Variants in MYMK observed in about 807,000 individuals in gnomAD.
The protein encoded by MYMK is myomaker, myoblast fusion factor.
Under a neutral mutation model 22.4 loss-of-function variants are expected in MYMK, and 16 were observed. That is an observed-to-expected ratio of 0.72 (90% CI 0.48 to 1.09). The LOEUF (loss-of-function observed/expected upper bound fraction) is 1.09. Ranked by LOEUF, MYMK falls within the 50% of genes least tolerant of loss-of-function variation. The probability of loss-of-function intolerance (pLI) is 0.00; values close to 1 mark genes in which losing one functional copy is unlikely to be tolerated. For missense variants in MYMK, 250 were observed against 295.6 expected (o/e 0.85, Z 1.13); for synonymous variants, 125 against 127.0 (o/e 0.98, Z 0.11).
In MYMK at chr9:133,514,795, G is replaced by T. The variant is rs1425044796; in HGVS notation, c.517-10C>A. On this transcript the variant is annotated splice_polypyrimidine_tract_variant and intron_variant, in intron 4 of 4. Transcript: ENST00000339996. Reference sequence around the variant, plus strand: ...AAGTGTAGTCCCAGTCCTGCGGGGGGCAAGCGGTCAGTCTGGGGCCTCAGC... The same window carrying T: ...AAGTGTAGTCCCAGTCCTGCGGGGGTCAAGCGGTCAGTCTGGGGCCTCAGC... 3 of 1,612,134 alleles carry T rather than the reference G, an allele frequency of 1.9e-6. No individual in the cohort carries two copies. The highest frequency in any genetic ancestry group is 2.2e-5 in the East Asian group (1 of 44,872).
intron 3 of MYMK, among the ~76,000 whole-genome samples, chr9:133,517,497 C>T (rs1365606062): frequency 2.0e-5 from 3 of 152,240 alleles, no homozygotes; most frequent in South Asian, 2.1e-4. Flanking sequence ...GAAACCCCAT[C>T]GCTACTAAAA....
intron 3 of MYMK, among the ~76,000 whole-genome samples, chr9:133,517,823 G>T (rs567318492): frequency 6.6e-6 from 1 of 152,334 alleles, no homozygotes; most frequent in African/African-American, 2.4e-5. Context: ...GACGGGCTTT[G>T]CAAGCTGCCC....
At position 133,520,209 on chromosome 9, in the gene MYMK, TAG is replaced by T. The variant is rs755400530; in HGVS notation, c.213_214del (p.Tyr72ArgfsTer39). Reference sequence around the variant, plus strand: ...GACCCACATGCTCAGGGCTGTCCCGTAGACACTGAAATACTCCAGGATGTCGT... The same window carrying T: ...GACCCACATGCTCAGGGCTGTCCCGTACACTGAAATACTCCAGGATGTCGT... On this transcript the variant is annotated frameshift_variant, in exon 2 of 5. Transcript: ENST00000339996. LOFTEE classifies it high-confidence loss of function. 8.1e-6 allele frequency: 13 copies of T among 1,613,896 alleles called. No homozygotes were observed. The highest frequency in any genetic ancestry group is 1.1e-5 in the Non-Finnish European group (13 of 1,180,008).
chr9:133,524,253 G>A (rs1844735412), intron 1 of MYMK, among the ~76,000 whole-genome samples: 1 of 152,056 alleles, frequency 6.6e-6, no homozygotes, highest in Non-Finnish European at 1.5e-5. Context: ...ACTCACCCAG[G>A]CCTTCACACT....
intron 1 of MYMK, among the ~76,000 whole-genome samples, chr9:133,522,336 T>G (rs1344639333): frequency 1.1e-4 from 10 of 94,578 alleles, no homozygotes; most frequent in South Asian, 4.4e-4. Context: ...CTCAGGTGAG[T>G]GGCTGTCGGG....
intron 3 of MYMK, among the ~76,000 whole-genome samples, chr9:133,516,679 T>G (rs969103329): frequency 1.3e-5 from 2 of 152,194 alleles, no homozygotes; most frequent in Non-Finnish European, 2.9e-5. Context: ...TGCAGTGGCC[T>G]GAAGACAGCT....
chr9:133,520,264 C>G lies in MYMK; in HGVS notation c.160G>C (p.Gly54Arg). The G allele has an allele frequency of 1.2e-6, 2 of 1,614,148 alleles. No homozygotes were observed. The highest frequency in any genetic ancestry group is 1.7e-6 in the Non-Finnish European group (2 of 1,180,034). Residue 54 changes from glycine to arginine, a missense_variant, in exon 2 of 5, where the codon GGC becomes CGC. Coordinates refer to ENST00000339996, the MANE Select transcript of MYMK (RefSeq NM_001080483.3). ...CGCATGAAGCACAGCACAGACAAGC[C>G]GGGTCCATTGCAGGCATGGTGGAGC... ...VALHHACNGP[G>R]LSVLCFMRHD...
At chr9:133,516,912 C>T (rs1318756166) in intron 3 of MYMK, among the ~76,000 whole-genome samples, 1 of 152,226 alleles carries the variant, frequency 6.6e-6, no homozygotes, top group Admixed American at 6.5e-5. Flanking sequence ...AAAAATCCAC[C>T]CTCATTCCAG....
chr9:133,517,140 C>T (rs1844641502), intron 3 of MYMK, among the ~76,000 whole-genome samples: 1 of 152,144 alleles, frequency 6.6e-6, no homozygotes, highest in Admixed American at 6.5e-5. Flanking sequence ...CAGACCTGGC[C>T]AAGACCAGCG....
intron 2 of MYMK, among the ~76,000 whole-genome samples, chr9:133,519,262 C>G (rs916128288): frequency 6.6e-6 from 1 of 152,108 alleles, no homozygotes. Context: ...GCTCCCAGCA[C>G]CTCATTTTAA....
Position 133,524,866 on chromosome 9 carries a change from C to T in MYMK, c.-22G>A. ...CCATGGGCCAGGAGGAAAGCACTGG[C>T]TGGGGTGGGGAGGGTGCTGGTGTCC... On this transcript the variant is annotated 5_prime_UTR_variant, in exon 1 of 5. Transcript: ENST00000339996. 6.3e-7 allele frequency: 1 copy of T among 1,590,682 alleles called. No individual in the cohort carries two copies. Among genetic ancestry groups the T allele is most frequent in the South Asian group, 1.1e-5 (1 of 87,648 alleles).
intron 2 of MYMK, among the ~76,000 whole-genome samples, chr9:133,519,529 T>C (rs978990976): frequency 6.6e-6 from 1 of 152,196 alleles, no homozygotes; most frequent in African/African-American, 2.4e-5. Flanking sequence ...CACTGTACTC[T>C]GGCCTGAGTG....
intron 1 of MYMK, among the ~76,000 whole-genome samples, chr9:133,522,651 C>A (rs573597936): frequency 6.6e-6 from 1 of 152,276 alleles, no homozygotes; most frequent in African/African-American, 2.4e-5. Context: ...CTGGTGGGTG[C>A]TTGTGGTTTG....
chr9:133,516,462 G>C (rs369088141), intron 3 of MYMK, among the ~76,000 whole-genome samples: 13 of 152,210 alleles, frequency 8.5e-5, no homozygotes, highest in African/African-American at 2.9e-4. Context: ...GGAATCAACT[G>C]TTAGACACAC....
At chr9:133,516,957 C>T (rs1844637559) in intron 3 of MYMK, among the ~76,000 whole-genome samples, 1 of 152,208 alleles carries the variant, frequency 6.6e-6, no homozygotes, top group African/African-American at 2.4e-5. Flanking sequence ...AAATAAACTC[C>T]ATACTAAATG....
chr9:133,518,845 C>G, intron 3 of MYMK, 29 bp downstream of exon 3: 2 of 1,592,732 alleles, frequency 1.3e-6, no homozygotes, highest in Non-Finnish European at 1.7e-6. Flanking sequence ...TCCTGGGTCC[C>G]CGTTCATCGA....
At position 133,515,171 on chromosome 9, in the gene MYMK, C is replaced by T. The variant is rs1052345416; in HGVS notation, c.516+320G>A. ...CCTTCCCTGTCTCCTCCCCTCCCTC[C>T]CTCCCTCCTCCAGGTGTTGGGCACC... is the stretch of plus-strand genomic sequence containing the variant. On this transcript the variant is annotated intron_variant, in intron 4 of 4. Coordinates refer to ENST00000339996, the MANE Select transcript of MYMK (RefSeq NM_001080483.3). This position sits in a 1 kb window ranked among gnomAD's most constrained non-coding sequence, Gnocchi z 5.8. 6.6e-6 allele frequency among the ~76,000 whole-genome samples: 1 copy of T among 151,864 alleles called. No individual in the cohort carries two copies. Among genetic ancestry groups the T allele is most frequent in the Admixed American group, 6.5e-5 (1 of 15,274 alleles).
chr9:133,524,911 C>T lies in MYMK; in HGVS notation c.-67G>A. On this transcript the variant is annotated 5_prime_UTR_variant, in exon 1 of 5. Transcript: ENST00000339996. The stretch of plus-strand genomic sequence containing the variant: ...GTGTCCCAGGTCCCCAGCACAGGAG[C>T]ACGAAGTGGGAAGGCCAGCTCCCTT... 1.3e-6 allele frequency: 2 copies of T among 1,527,530 alleles called. No individual in the cohort carries two copies. The highest frequency in any genetic ancestry group is 2.3e-5 in the East Asian group (1 of 44,172). 94.6% of individuals were successfully genotyped at this position (1,527,530 alleles called of 1,614,324 possible). A position where few individuals can be genotyped will look rare whatever the true frequency, so the allele number is the denominator to read the frequency against.
chr9:133,522,009 G>A (rs1844708698), intron 1 of MYMK, among the ~76,000 whole-genome samples: 1 of 152,222 alleles, frequency 6.6e-6, no homozygotes, highest in South Asian at 2.1e-4. Flanking sequence ...GGAGGGGGAC[G>A]CCAGGCTCTG....
Sources: allele counts gnomAD v4.1 joint callset (sites outside exome capture counted in the v4.1 genomes callset), GRCh38; gene constraint gnomAD v4.1.1; non-coding constraint Gnocchi (gnomAD v3.1); transcripts MANE v1.5; gene names NCBI Gene and HGNC (gene_info 2026-07-23, HGNC 2026-07-21).